AGBL3: variants seen among roughly 807,000 people sequenced by gnomAD.
AGBL3 encodes AGBL carboxypeptidase 3, also known as cytosolic carboxypeptidase 3.
In AGBL3, 68 loss-of-function variants were observed where a neutral mutation model predicts 94.5. The observed-to-expected ratio is 0.72, with a 90% CI of 0.59 to 0.88. The LOEUF is 0.88. Among genes scored for constraint, AGBL3 ranks in the 40% least tolerant of loss-of-function variants. The pLI, the probability that AGBL3 is intolerant of heterozygous loss-of-function variation, is 0.00. For synonymous variants in AGBL3, 354 were observed against 370.7 expected, an observed-to-expected ratio of 0.95 and a Z score of 0.52; for missense variants, 934 against 1,103.8, an observed-to-expected ratio of 0.85 and a Z score of 2.18.
At chr7:135,046,182 T>TC (rs1817340921) in intron 11 of AGBL3, among the ~76,000 whole-genome samples, 2 of 152,134 alleles carry the variant, frequency 1.3e-5, no homozygotes, top group South Asian at 4.1e-4. Flanking sequence ...TTCGTTTTTC[T>TC]CTTTCTTTTT....
At chr7:135,041,498 T>A (rs550283945) in intron 8 of AGBL3, among the ~76,000 whole-genome samples, 1 of 152,160 alleles carries the variant, frequency 6.6e-6, no homozygotes, top group Admixed American at 6.5e-5. Context: ...GGAAATTTAA[T>A]GGAGAAAGAA....
intron 15 of AGBL3, among the ~76,000 whole-genome samples, chr7:135,089,721 G>T (rs1821613784): frequency 6.6e-6 from 1 of 152,206 alleles, no homozygotes; most frequent in Admixed American, 6.5e-5. Context: ...GGGCTTTTGA[G>T]GTCTTCCTAT....
rs750344679 is a variant in AGBL3, at chr7:134,989,282, A to C, written c.96A>C (p.Glu32Asp). Residue 32 changes from glutamate to aspartate, a missense_variant, in exon 3 of 17, where the codon GAA becomes GAC. By Grantham distance (45) the Glu-to-Asp change is conservative. Transcript: ENST00000436302. ...ATATGTTCATGAAATTTGTAAGTGAAGATCTTCATCGGTGTGCACTTTTAA... is the reference window on the plus strand; with the variant it reads ...ATATGTTCATGAAATTTGTAAGTGACGATCTTCATCGGTGTGCACTTTTAA... Reference protein sequence around the residue: ...DEDMFMKFVSEDLHRCALLTA... With the variant: ...DEDMFMKFVSDDLHRCALLTA... 2 of 1,548,418 alleles carry C rather than the reference A, an allele frequency of 1.3e-6. No individual in the cohort carries two copies. Among genetic ancestry groups the C allele is most frequent in the African/African-American group, 1.4e-5 (1 of 73,078 alleles).
At chr7:135,001,964 C>T (rs1584784053) in intron 4 of AGBL3, among the ~76,000 whole-genome samples, 1 of 152,172 alleles carries the variant, frequency 6.6e-6, no homozygotes, top group Non-Finnish European at 1.5e-5. Context: ...CTTCTAGTAA[C>T]TGATTGCAAC....
At chr7:135,108,043 T>G (rs1825025815) in intron 15 of AGBL3, among the ~76,000 whole-genome samples, 1 of 152,208 alleles carries the variant, frequency 6.6e-6, no homozygotes, top group Admixed American at 6.5e-5. Flanking sequence ...CCCCTGCTTT[T>G]TTCTGATTTC....
intron 4 of AGBL3, among the ~76,000 whole-genome samples, chr7:135,008,437 C>G (rs1812678281): frequency 6.6e-6 from 1 of 151,970 alleles, no homozygotes; most frequent in Non-Finnish European, 1.5e-5. Context: ...TAACCACATG[C>G]AAAATAAAGA....
chr7:135,003,337 T>C (rs4728344), intron 4 of AGBL3, among the ~76,000 whole-genome samples: 141,535 of 152,092 alleles, frequency 0.93, 66,639 homozygotes, highest in Non-Finnish European at 1. Flanking sequence ...ATCTGTCTTT[T>C]GATATGCCAG....
chr7:135,115,727 C>A, intron 16 of AGBL3, 116 bp downstream of exon 16: 2 of 832,800 alleles, frequency 2.4e-6, no homozygotes, highest in Non-Finnish European at 3.6e-6. Context: ...ATGATGTCAG[C>A]TCCATCACAT....
At chr7:135,117,107 A>G (rs1826431750) in intron 16 of AGBL3, among the ~76,000 whole-genome samples, 1 of 152,248 alleles carries the variant, frequency 6.6e-6, no homozygotes, top group East Asian at 1.9e-4. Flanking sequence ...TGCAAAGAAT[A>G]GGGAAAATGC....
At chr7:135,012,129 C>T (rs4415249) in intron 4 of AGBL3, 2 of 151,864 alleles carry the variant, frequency 1.3e-5, no homozygotes, top group African/African-American at 4.8e-5. Flanking sequence ...CATGAATATA[C>T]GTGAAAAACA....
intron 16 of AGBL3, among the ~76,000 whole-genome samples, chr7:135,119,872 G>A (rs748006443): frequency 9.9e-5 from 15 of 151,782 alleles, no homozygotes; most frequent in Non-Finnish European, 1.3e-4. Context: ...GCGAGACTCC[G>A]TCTCAAAAAA....
At chr7:135,108,938 T>C (rs1825188958) in intron 15 of AGBL3, among the ~76,000 whole-genome samples, 1 of 152,246 alleles carries the variant, frequency 6.6e-6, no homozygotes, top group Non-Finnish European at 1.5e-5. Context: ...GAACCAGTCT[T>C]CAAGCTCCAA....
chr7:135,053,322 G>T (rs1818050857), intron 11 of AGBL3, among the ~76,000 whole-genome samples: 1 of 151,972 alleles, frequency 6.6e-6, no homozygotes, highest in South Asian at 2.1e-4. Context: ...AAAGGATTCA[G>T]CCAGGCCGGG....
chr7:135,059,031 A>G (rs1490153104), intron 11 of AGBL3, 138 bp from the exon 12 acceptor site: 6 of 648,606 alleles, frequency 9.3e-6, no homozygotes, highest in Non-Finnish European at 7.8e-6. Context: ...TACTCGGATT[A>G]CAGGCATGAG....
At chr7:135,127,446 G>A (rs1387530633) in intron 16 of AGBL3, among the ~76,000 whole-genome samples, 1 of 152,060 alleles carries the variant, frequency 6.6e-6, no homozygotes, top group African/African-American at 2.4e-5. Context: ...CCAGCTACTC[G>A]GGAGGCTGAG....
Position 135,015,861 on chromosome 7 carries a change from AAAAAAG to A in AGBL3, c.311-1185_311-1180del, listed in dbSNP as rs1223638240. On this transcript the variant is annotated intron_variant, in intron 4 of 16. Transcript: ENST00000436302. ...AACCCCGTCTCTACTAAAAATACAA[AAAAAAG>A]AAAAAAAAAAAAAATTAGCCGGGCG... Among the ~76,000 whole-genome samples the A allele has an allele frequency of 9.8e-4, 97 of 98,966 alleles. 1 individual carries two copies. The highest frequency in any genetic ancestry group is 2.2e-3 in the African/African-American group (68 of 30,912). 64.9% of individuals were successfully genotyped at this position (98,966 alleles called of 152,430 possible). A position where few individuals can be genotyped will look rare whatever the true frequency, so the allele number is the denominator to read the frequency against.
At position 135,034,859 on chromosome 7, in the gene AGBL3, A is replaced by G. The variant is rs1296527380; in HGVS notation, c.1268A>G (p.Asn423Ser). ...TGTTCCTTAGCTGGACGGGATTTAA[A>G]CCGTAATTATACATCTCTCCTGAAG... ...YRCSLAGRDL[N>S]RNYTSLLKES... Residue 423 changes from asparagine to serine, a missense_variant, in exon 7 of 17, where the codon AAC becomes AGC. This residue lies in a region of AGBL3 where 488 missense variants were observed against 563.6 expected (regional missense o/e 0.87). Transcript: ENST00000436302. 6.4e-7 allele frequency: 1 copy of G among 1,551,108 alleles called. No individual in the cohort carries two copies. The highest frequency in any genetic ancestry group is 8.7e-7 in the Non-Finnish European group (1 of 1,146,766).
chr7:135,032,012 A>G (rs1429249704), intron 5 of AGBL3, among the ~76,000 whole-genome samples: 1 of 152,076 alleles, frequency 6.6e-6, no homozygotes, highest in Non-Finnish European at 1.5e-5. Context: ...CAGCAGCCCC[A>G]AGCAACAATC....
chr7:135,129,158 G>A, intron 16 of AGBL3: 2 of 1,470,952 alleles, frequency 1.4e-6, no homozygotes, highest in Non-Finnish European at 1.9e-6. Context: ...TTCTCCTCCA[G>A]TCCACCTTGG....
Sources: gnomAD v4.1 joint callset for allele counts (sites outside exome capture counted in the v4.1 genomes callset) on GRCh38, gnomAD v4.1.1 for gene constraint, gnomAD v4.1.1 regional missense constraint, MANE v1.5 for transcripts, NCBI Gene and HGNC (gene_info 2026-07-23, HGNC 2026-07-21) for gene names.